PHACTR3: variants seen among roughly 807,000 people sequenced by gnomAD.
The protein encoded by PHACTR3 is phosphatase and actin regulator 3.
Under a neutral mutation model 66.8 loss-of-function variants are expected in PHACTR3, and 16 were observed. The observed-to-expected ratio is 0.24, with a 90% CI of 0.16 to 0.36. The LOEUF is 0.36. Ranked by LOEUF, PHACTR3 falls within the 10% of genes least tolerant of loss-of-function variation. The pLI is 1.00. For synonymous variants in PHACTR3, 323 were observed against 292.1 expected, an observed-to-expected ratio of 1.11 and a Z score of -1.08; for missense variants, 647 against 719.9, an observed-to-expected ratio of 0.90 and a Z score of 1.16.
chr20:59,829,391 ATCT>A lies in PHACTR3; in HGVS notation c.1329-7112_1329-7110del, dbSNP rs983925613. Among the ~76,000 whole-genome samples, 2 of 152,150 alleles carry A rather than the reference ATCT, an allele frequency of 1.3e-5. No homozygotes were observed. The highest frequency in any genetic ancestry group is 4.8e-5 in the African/African-American group (2 of 41,430). ...CGGTTTCTTTCATCATCCAGGCCTC[ATCT>A]TATGGCCTGGAGAGTCCTCTTCTCT... On this transcript the variant is annotated intron_variant, in intron 8 of 12. Transcript: ENST00000371015. The surrounding 1 kb of genome is among the most constrained non-coding windows in gnomAD (Gnocchi z 4.2).
intron 1 of PHACTR3, among the ~76,000 whole-genome samples, chr20:59,696,940 A>G (rs998825692): frequency 6.6e-6 from 1 of 152,196 alleles, no homozygotes; most frequent in African/African-American, 2.4e-5. Flanking sequence ...ATGGAGACTG[A>G]ATCTATTGGT....
chr20:59,706,110 A>G (rs1240275045), intron 1 of PHACTR3, among the ~76,000 whole-genome samples: 1 of 152,192 alleles, frequency 6.6e-6, no homozygotes, highest in Non-Finnish European at 1.5e-5. Flanking sequence ...AATTAACTCA[A>G]TGGCCTCCAG....
intron 7 of PHACTR3, among the ~76,000 whole-genome samples, chr20:59,799,080 G>A (rs1317983580): frequency 2.0e-5 from 3 of 151,798 alleles, no homozygotes; most frequent in African/African-American, 4.8e-5. Context: ...CCAAATATGT[G>A]GGTTTTTTTA....
intron 8 of PHACTR3, among the ~76,000 whole-genome samples, chr20:59,823,526 C>T (rs1045867235): frequency 5.3e-5 from 8 of 152,160 alleles, no homozygotes; most frequent in Non-Finnish European, 1.0e-4. Flanking sequence ...CTTGTTTGGC[C>T]GTCACTTTGA....
chr20:59,601,395 G>A (rs142390073), upstream of PHACTR3, among the ~76,000 whole-genome samples: 23 of 152,292 alleles, frequency 1.5e-4, no homozygotes, highest in African/African-American at 3.6e-4. Context: ...TAGGTTGTTC[G>A]TAATTTTTTG....
chr20:59,747,948 C>G, intron 3 of PHACTR3, 113 bp downstream of exon 3: 2 of 1,128,180 alleles, frequency 1.8e-6, no homozygotes, highest in Non-Finnish European at 2.5e-6. Flanking sequence ...CAAGGAGGGC[C>G]GTGTTCAGAT....
intron 1 of PHACTR3, among the ~76,000 whole-genome samples, chr20:59,714,186 T>C (rs1167640863): frequency 2.0e-5 from 3 of 152,236 alleles, no homozygotes; most frequent in Non-Finnish European, 2.9e-5. Flanking sequence ...CACTTAATTA[T>C]ATATTTTCAG....
At chr20:59,841,635 C>A (rs2059063418) in intron 11 of PHACTR3, 100 bp downstream of exon 11, 2 of 1,285,454 alleles carry the variant, frequency 1.6e-6, no homozygotes, top group Non-Finnish European at 2.1e-6. Flanking sequence ...GAGCCCTCAA[C>A]TATTTAAGGG....
chr20:59,640,718 G>C (rs75330287), intron 1 of PHACTR3, among the ~76,000 whole-genome samples: 1,642 of 152,262 alleles, frequency 0.011, 32 homozygotes, highest in African/African-American at 0.036. Context: ...GAGATCATAG[G>C]GTTGTAAATT....
At chr20:59,776,405 C>A (rs942543989) in intron 7 of PHACTR3, among the ~76,000 whole-genome samples, 16 of 152,182 alleles carry the variant, frequency 1.1e-4, no homozygotes, top group Admixed American at 2.6e-4. Flanking sequence ...CTGTGCTAGA[C>A]CCTCTCTGAG....
rs528926887 is a variant in PHACTR3, at chr20:59,789,730, G to A, written c.1174+15240G>A. Among the ~76,000 whole-genome samples, 52 of 152,338 alleles carry A rather than the reference G, an allele frequency of 3.4e-4. 1 individual carries two copies. The highest frequency in any genetic ancestry group is 1.2e-3 in the African/African-American group (48 of 41,586). The stretch of plus-strand genomic sequence containing the variant: ...CACTGCTTGTGCAAAACAGACTCCA[G>A]GACTGTTCTCACACAGGGGCTTATA... On this transcript the variant is annotated intron_variant, in intron 7 of 12. Coordinates refer to ENST00000371015, the MANE Select transcript of PHACTR3 (RefSeq NM_080672.5).
intron 1 of PHACTR3, among the ~76,000 whole-genome samples, chr20:59,713,222 G>GT (rs1443155116): frequency 2.0e-5 from 3 of 152,106 alleles, no homozygotes; most frequent in South Asian, 2.1e-4. Context: ...AACTACTTGA[G>GT]TTTTTTTTTC....
At chr20:59,835,945 T>TC (rs1169594671) in intron 8 of PHACTR3, 3 of 152,146 alleles carry the variant, frequency 2.0e-5, no homozygotes, top group African/African-American at 7.3e-5. Flanking sequence ...CTTTAGACAC[T>TC]CCCCCTGTGC....
upstream of PHACTR3, among the ~76,000 whole-genome samples, chr20:59,602,219 AC>A (rs796299338): frequency 1.6e-4 from 24 of 152,190 alleles, no homozygotes; most frequent in African/African-American, 5.8e-4. Flanking sequence ...GGTCCCCCCC[AC>A]CAATGCCAGC....
chr20:59,582,930 CT>C (rs138490238), intron 1 of PHACTR3, among the ~76,000 whole-genome samples: 2,948 of 151,264 alleles, frequency 0.019, 65 homozygotes, highest in Non-Finnish European at 0.028. Context: ...ATGTATCCAG[CT>C]TTTTTTTTGT....
intron 11 of PHACTR3, among the ~76,000 whole-genome samples, 178 bp downstream of exon 11, chr20:59,841,713 G>C (rs1017484434): frequency 1.3e-5 from 2 of 152,166 alleles, no homozygotes; most frequent in Non-Finnish European, 2.9e-5. Flanking sequence ...TTCTCAGCTA[G>C]GTGACAGTTT....
At chr20:59,723,339 C>A (rs2038420350) in intron 1 of PHACTR3, among the ~76,000 whole-genome samples, 1 of 152,040 alleles carries the variant, frequency 6.6e-6, no homozygotes. Context: ...TTCTGTCTCT[C>A]TGGACACTTC....
chr20:59,678,150 AT>A (rs548021353), intron 1 of PHACTR3, among the ~76,000 whole-genome samples: 5 of 151,412 alleles, frequency 3.3e-5, no homozygotes, highest in African/African-American at 7.3e-5. Context: ...ATAGATATAG[AT>A]TTTTTTTTCC....
At chr20:59,722,855 G>A (rs1460967823) in intron 1 of PHACTR3, among the ~76,000 whole-genome samples, 1 of 151,958 alleles carries the variant, frequency 6.6e-6, no homozygotes, top group African/African-American at 2.4e-5. Context: ...GGTGAGCACC[G>A]CAGCTTGTAA....
Sources: allele counts gnomAD v4.1 joint callset (sites outside exome capture counted in the v4.1 genomes callset), GRCh38; gene constraint gnomAD v4.1.1; non-coding constraint Gnocchi (gnomAD v3.1); transcripts MANE v1.5; gene names NCBI Gene and HGNC (gene_info 2026-07-23, HGNC 2026-07-21).